The following LINGO3 variants were observed in gnomAD, a reference collection of about 807,000 sequenced individuals.
The protein encoded by LINGO3 is leucine-rich repeat and immunoglobulin-like domain-containing nogo receptor-interacting protein 3.
For missense variants in LINGO3, 750 were observed against 867.7 expected, an observed-to-expected ratio of 0.86 and a Z score of 1.70; for synonymous variants, 427 against 444.2, an observed-to-expected ratio of 0.96 and a Z score of 0.49.
At chr19:2,295,718 AAGAGGGG>A (rs980238801), upstream of LINGO3, among the ~76,000 whole-genome samples, 15 of 152,158 alleles carry the variant, frequency 9.9e-5, no homozygotes, top group Non-Finnish European at 1.5e-5. Context: ...CCTGGGCGAC[AAGAGGGG>A]AAACTCCGTC....
rs533205768 is a variant in LINGO3 at position 2,291,798 on chromosome 19, G to C, written c.-22C>G. The C allele has an allele frequency of 7.4e-5, 108 of 1,458,114 alleles. No homozygotes were observed. The East Asian group carries it at 2.8e-3, about 37-fold the overall frequency. The allele number at this position is 1,458,114 out of a possible 1,614,324, so 90.3% of individuals were successfully genotyped here. On this transcript the variant is annotated 5_prime_UTR_variant, in exon 1 of 1. Transcript: ENST00000585527. ...TCATGGTGCGGAGCGTGGGCCTAGG[G>C]CCGCGCCACCATCCTCCTGCGCACC...
the LINGO3 span, among the ~76,000 whole-genome samples, chr19:2,307,082 T>C: frequency 1.3e-3 from 197 of 152,264 alleles, 2 homozygotes; most frequent in South Asian, 0.012. Context: ...CTCACAGCTC[T>C]GTTGTCCCTG....
chr19:2,299,218 T>C, the LINGO3 span, among the ~76,000 whole-genome samples: 2 of 152,252 alleles, frequency 1.3e-5, no homozygotes, highest in South Asian at 4.1e-4. Context: ...TGCAGGGTGC[T>C]GCCGGGGAGG....
chr19:2,303,989 C>T, the LINGO3 span, among the ~76,000 whole-genome samples: 6 of 152,234 alleles, frequency 3.9e-5, no homozygotes, highest in African/African-American at 1.4e-4. Flanking sequence ...TTCCCAGTCA[C>T]TTCCCTGGGC....
chr19:2,297,695 C>G, the LINGO3 span, among the ~76,000 whole-genome samples: 5 of 151,086 alleles, frequency 3.3e-5, no homozygotes, highest in Non-Finnish European at 7.4e-5. Flanking sequence ...ACCTCTGCCT[C>G]CCGAGTTTAA....
chr19:2,296,305 C>T (rs372502756), upstream of LINGO3, among the ~76,000 whole-genome samples: 1 of 151,994 alleles, frequency 6.6e-6, no homozygotes, highest in African/African-American at 2.4e-5. Context: ...CCAGGTGTGG[C>T]GGCTCACACC....
chr19:2,300,343 C>A, the LINGO3 span, among the ~76,000 whole-genome samples: 10 of 152,074 alleles, frequency 6.6e-5, no homozygotes, highest in Admixed American at 4.6e-4. Context: ...CAGGCTGATT[C>A]TTTAGGGGCC....
In LINGO3 at chr19:2,290,366, G is replaced by A. The variant is rs2025506226; in HGVS notation, c.1411C>T (p.Arg471Trp). Residue 471 changes from arginine (R) to tryptophan (W), a missense_variant, in exon 1 of 1, where the codon CGG (arginine) becomes TGG (tryptophan). By Grantham distance (101) the Arg-to-Trp change is moderately radical. Transcript: ENST00000585527. The surrounding 1 kb of genome is among the most constrained non-coding windows in gnomAD (Gnocchi z 6.0). The stretch of plus-strand genomic sequence containing the variant: ...GTGTAGGTGCCGCTGTCCTGCGGCC[G>A]CGCGTCCTGGATCTCCAGCGTCCCC... The A allele has an allele frequency of 2.0e-6, 3 of 1,490,356 alleles. No homozygotes were observed. Among genetic ancestry groups the A allele is most frequent in the East Asian group, 2.8e-5 (1 of 35,872 alleles). 92.3% of individuals were successfully genotyped at this position (1,490,356 alleles called of 1,614,324 possible). A position where few individuals can be genotyped will look rare whatever the true frequency, so the allele number is the denominator to read the frequency against.
the LINGO3 span, among the ~76,000 whole-genome samples, chr19:2,300,648 G>A: frequency 1.3e-5 from 2 of 151,972 alleles, no homozygotes; most frequent in African/African-American, 4.8e-5. Flanking sequence ...GCCAACCCCA[G>A]CTCCACCCTT....
chr19:2,297,485 A>G, the LINGO3 span, among the ~76,000 whole-genome samples: 1 of 151,106 alleles, frequency 6.6e-6, no homozygotes, highest in African/African-American at 2.4e-5. Flanking sequence ...TTGTATTTTT[A>G]GTAGAGACGG....
the LINGO3 span, among the ~76,000 whole-genome samples, chr19:2,298,315 C>T: frequency 2.0e-5 from 3 of 151,790 alleles, no homozygotes; most frequent in Admixed American, 6.6e-5. Context: ...ACTGCAGCCT[C>T]CACCTCCCCA....
At chr19:2,305,439 C>T in the LINGO3 span, among the ~76,000 whole-genome samples, 1 of 152,058 alleles carries the variant, frequency 6.6e-6, no homozygotes, top group African/African-American at 2.4e-5. Context: ...CTCCCTAGAA[C>T]AGAGGTGGCC....
upstream of LINGO3, among the ~76,000 whole-genome samples, chr19:2,294,919 G>A (rs1481249402): frequency 6.6e-6 from 1 of 151,970 alleles, no homozygotes; most frequent in East Asian, 1.9e-4. The surrounding 1 kb of genome is among the most constrained non-coding windows in gnomAD (Gnocchi z 4.3). Flanking sequence ...GGCTATTTTT[G>A]GCATCTTGGC....
chr19:2,296,767 G>A (rs533106546), upstream of LINGO3, among the ~76,000 whole-genome samples: 4 of 150,402 alleles, frequency 2.7e-5, no homozygotes, highest in Non-Finnish European at 4.4e-5. Context: ...GTGAGCCACC[G>A]TGCCCAGCTG....
chr19:2,301,923 A>G, the LINGO3 span, among the ~76,000 whole-genome samples: 240 of 129,716 alleles, frequency 1.9e-3, 2 homozygotes, highest in African/African-American at 7.5e-3. Context: ...GCGAGACTCC[A>G]TCTCAAAAAA....
At chr19:2,292,924 C>T (rs904135729), upstream of LINGO3, among the ~76,000 whole-genome samples, 1 of 152,168 alleles carries the variant, frequency 6.6e-6, no homozygotes, top group African/African-American at 2.4e-5. Flanking sequence ...GGGTCAGCAC[C>T]GTGCAGCCAC....
downstream of LINGO3, among the ~76,000 whole-genome samples, chr19:2,287,506 CT>C (rs2025478789): frequency 6.6e-6 from 1 of 152,232 alleles, no homozygotes; most frequent in Admixed American, 6.5e-5. The surrounding 1 kb of genome is among the most constrained non-coding windows in gnomAD (Gnocchi z 4.5). Flanking sequence ...GTCGAGCCCC[CT>C]GGGCCATCTG....
chr19:2,289,770 G>T, downstream of LINGO3: 1 of 387,704 alleles, frequency 2.6e-6, no homozygotes, highest in Non-Finnish European at 4.6e-6. Flanking sequence ...AGCCACCATA[G>T]CAGGGACAGG....
Position 2,290,910 on chromosome 19 carries a change from C to CGACCCCCGCGGCACCGTGCT in LINGO3, c.847_866dup (p.Phe290AlafsTer59). 1 of 1,611,390 alleles carries CGACCCCCGCGGCACCGTGCT rather than the reference C, an allele frequency of 6.2e-7. No individual in the cohort carries two copies. On this transcript the variant is annotated frameshift_variant, in exon 1 of 1. Coordinates refer to ENST00000585527, the Ensembl canonical transcript of LINGO3. LOFTEE classifies it low-confidence loss of function (END_TRUNC). The surrounding 1 kb of genome is among the most constrained non-coding windows in gnomAD (Gnocchi z 6.0). ...CGCGCAGGCGGACCAGGTCCCGGAA[C>CGACCCCCGCGGCACCGTGCT]GACCCCCGCGGCACCGTGCTGATGG...
Sources: allele counts gnomAD v4.1 joint callset (sites outside exome capture counted in the v4.1 genomes callset), GRCh38; gene constraint gnomAD v4.1.1; non-coding constraint Gnocchi (gnomAD v3.1); transcripts MANE v1.5; gene names NCBI Gene and HGNC (gene_info 2026-07-23, HGNC 2026-07-21).